WDR62: variants seen among roughly 807,000 people sequenced by gnomAD.
WDR62 encodes the protein WD repeat-containing protein 62.
WDR62 carries 112 observed loss-of-function variants against 160.6 expected under a neutral mutation model. That is an observed-to-expected ratio of 0.70 (90% CI 0.60 to 0.82). The LOEUF (loss-of-function observed/expected upper bound fraction) is 0.82, where lower values mean the gene tolerates loss of function less well. WDR62 is among the 40% of genes least tolerant of loss of function. WDR62 has a pLI of 0.00. For missense variants in WDR62, 1,819 were observed against 1,983.8 expected (o/e 0.92, Z 1.58); for synonymous variants, 792 against 815.1 (o/e 0.97, Z 0.48).
chr19:36,066,361 C>T lies in WDR62; in HGVS notation c.495C>T (p.Pro165=), dbSNP rs1443654811. ...KYGVACVAFS[P]NMKHIVSMGY... is the part of the protein sequence containing the mutation. Reference sequence around the variant, plus strand: ...GTGTGGCGTGTGTGGCCTTCTCACCCAATATGAAGCACATCGTGTCCATGG... The same window carrying T: ...GTGTGGCGTGTGTGGCCTTCTCACCTAATATGAAGCACATCGTGTCCATGG... The change falls in exon 5 of 32, where the codon CCC becomes CCT. Residue 165 remains proline (P), a synonymous_variant. Coordinates refer to ENST00000401500, the MANE Select transcript of WDR62 (RefSeq NM_001083961.2). 3.1e-6 allele frequency: 5 copies of T among 1,613,660 alleles called. No homozygotes were observed. In the African/African-American group the frequency reaches 6.7e-5, roughly 22 times the overall value.
chr19:36,093,517 G>A (rs1972763726), intron 19 of WDR62, among the ~76,000 whole-genome samples: 2 of 152,110 alleles, frequency 1.3e-5, no homozygotes, highest in Admixed American at 1.3e-4. Context: ...GTCTGTTTTT[G>A]CCATTGGCTC....
chr19:36,094,566 A>G (rs1355850739), intron 20 of WDR62, among the ~76,000 whole-genome samples: 1 of 150,328 alleles, frequency 6.7e-6, no homozygotes, highest in Admixed American at 6.6e-5. Flanking sequence ...AAATAATAAT[A>G]ATAATAATAA....
At chr19:36,088,699 C>T (rs1972403439) in intron 13 of WDR62, among the ~76,000 whole-genome samples, 2 of 152,210 alleles carry the variant, frequency 1.3e-5, no homozygotes, top group Non-Finnish European at 2.9e-5. Flanking sequence ...CAGCCTGTCT[C>T]CACTGGTCGC....
At chr19:36,060,135 C>G in intron 3 of WDR62, 105 bp downstream of exon 3, 5 of 1,176,504 alleles carry the variant, frequency 4.2e-6, no homozygotes, top group Non-Finnish European at 5.1e-6. Flanking sequence ...CTCACTCATT[C>G]ACTTACATGT....
chr19:36,097,673 C>T (rs1327221568), intron 21 of WDR62, among the ~76,000 whole-genome samples: 1 of 151,956 alleles, frequency 6.6e-6, no homozygotes, highest in Non-Finnish European at 1.5e-5. Context: ...CACTTGAGCC[C>T]AGGAGTTCAA....
At position 36,058,552 on chromosome 19, in the gene WDR62, C is replaced by T. The variant is rs982800578; in HGVS notation, c.178-228C>T. On this transcript the variant is annotated intron_variant, in intron 1 of 31. Coordinates refer to ENST00000401500, the MANE Select transcript of WDR62 (RefSeq NM_001083961.2). ...CCCATCACCAGTAGAATGTGAGCCC[C>T]CCGAGGGCAGGGATTTGTCTCTTCC... 4.6e-5 allele frequency among the ~76,000 whole-genome samples: 7 copies of T among 152,342 alleles called. No individual in the cohort carries two copies. The East Asian group carries it at 1.2e-3, about 25-fold the overall frequency.
At position 36,087,911 on chromosome 19, in the gene WDR62, G is replaced by A. The variant is rs1302977900; in HGVS notation, c.1768+1099G>A. Among the ~76,000 whole-genome samples, 7 of 152,232 alleles carry A rather than the reference G, an allele frequency of 4.6e-5. No homozygotes were observed. In the East Asian group the frequency reaches 1.3e-3, roughly 29 times the overall value. On this transcript the variant is annotated intron_variant, in intron 13 of 31. Transcript: ENST00000401500. ...GCAAGGTTTGAACTAGGACGTTGTTGATAGCAGAGACTGTTCTAATTGCTC... is the reference window on the plus strand; with the variant it reads ...GCAAGGTTTGAACTAGGACGTTGTTAATAGCAGAGACTGTTCTAATTGCTC...
chr19:36,090,696 T>G (rs1446058318), intron 16 of WDR62, among the ~76,000 whole-genome samples, 176 bp downstream of exon 16: 1 of 152,150 alleles, frequency 6.6e-6, no homozygotes. Context: ...ACCCCAGCTG[T>G]GTTTCCTTTA....
Position 36,089,174 on chromosome 19 carries a change from G to T in WDR62, c.1837-11G>T. 1.2e-6 allele frequency: 2 copies of T among 1,613,822 alleles called. No individual in the cohort carries two copies. The highest frequency in any genetic ancestry group is 1.1e-5 in the South Asian group (1 of 91,050). Reference sequence around the variant, plus strand: ...CGGGGCATTCTCTGAAGGTCCTGCCGGCCCTGCCAGGGTTCGGATGGACTA... The same window carrying T: ...CGGGGCATTCTCTGAAGGTCCTGCCTGCCCTGCCAGGGTTCGGATGGACTA... On this transcript the variant is annotated splice_polypyrimidine_tract_variant and intron_variant, in intron 14 of 31. Coordinates refer to ENST00000401500, the MANE Select transcript of WDR62 (RefSeq NM_001083961.2).
Position 36,104,899 on chromosome 19 carries a change from T to C in WDR62, c.4443T>C (p.Ala1481=). The change falls in exon 32 of 32, where the codon GCT becomes GCC. Residue 1481 remains alanine, a synonymous_variant. Coordinates refer to ENST00000401500, the MANE Select transcript of WDR62 (RefSeq NM_001083961.2). ...LVGTSVAPAQ[A]LPSPGPPSPP... is the part of the protein sequence containing the mutation. ...GGACTAGTGTGGCCCCAGCCCAGGC[T>C]CTGCCCAGCCCAGGACCCCCGTCCC... The C allele has an allele frequency of 6.2e-7, 1 of 1,611,450 alleles. No individual in the cohort carries two copies. The highest frequency in any genetic ancestry group is 1.3e-5 in the African/African-American group (1 of 74,972).
chr19:36,092,931 A>T, intron 19 of WDR62, 120 bp downstream of exon 19: 1 of 1,425,852 alleles, frequency 7.0e-7, no homozygotes, highest in Non-Finnish European at 9.8e-7. Flanking sequence ...GCACACTCAC[A>T]GCTGAGTAGG....
chr19:36,096,866 T>C (rs1198427811), intron 20 of WDR62, among the ~76,000 whole-genome samples, 161 bp from the exon 21 acceptor site: 1 of 152,268 alleles, frequency 6.6e-6, no homozygotes, highest in Non-Finnish European at 1.5e-5. Flanking sequence ...GAGTCAAATA[T>C]CGCATCCCAC....
At chr19:36,068,871 T>G (rs1055508249) in intron 7 of WDR62, among the ~76,000 whole-genome samples, 3 of 151,156 alleles carry the variant, frequency 2.0e-5, no homozygotes, top group Admixed American at 6.6e-5. Flanking sequence ...AGCTGTTGGG[T>G]ACACCTCCCA....
rs1369505248 is a variant in WDR62 at position 36,071,566 on chromosome 19, C to T, written c.893C>T (p.Ser298Phe). Reference protein sequence around the residue: ...EKWINLKVSLSSCLCVSQELI... With the variant: ...EKWINLKVSLFSCLCVSQELI... Reference sequence around the variant, plus strand: ...CTTTTGCCCCTACAGGTCTCCCTGTCTTCCTGCCTCTGTGTCAGCCAGGAG... The same window carrying T: ...CTTTTGCCCCTACAGGTCTCCCTGTTTTCCTGCCTCTGTGTCAGCCAGGAG... The change falls in exon 8 of 32, where the codon TCT becomes TTT. Residue 298 changes from serine to phenylalanine, a missense_variant. Physicochemically the swap from Ser to Phe is radical, Grantham distance 155 (BLOSUM62 -2). Coordinates refer to ENST00000401500, the MANE Select transcript of WDR62 (RefSeq NM_001083961.2). 6.2e-7 allele frequency: 1 copy of T among 1,614,268 alleles called. No individual in the cohort carries two copies. The highest frequency in any genetic ancestry group is 2.2e-5 in the East Asian group (1 of 44,890).
At chr19:36,089,009 G>A in intron 13 of WDR62, 29 bp from the exon 14 acceptor site, 1 of 1,612,948 alleles carries the variant, frequency 6.2e-7, no homozygotes, top group East Asian at 2.2e-5. Context: ...GCCCAGCCCT[G>A]CCTAACACAC....
intron 22 of WDR62, among the ~76,000 whole-genome samples, 184 bp from the exon 23 acceptor site, chr19:36,100,560 CCTCT>C (rs1335508529): frequency 1.3e-5 from 2 of 152,238 alleles, no homozygotes; most frequent in Non-Finnish European, 2.9e-5. Context: ...TGGTGCCACA[CCTCT>C]TCCTCATCTG....
At chr19:36,078,926 A>G (rs1452484716) in intron 9 of WDR62, among the ~76,000 whole-genome samples, 1 of 144,458 alleles carries the variant, frequency 6.9e-6, no homozygotes. Context: ...TTCTTTTTTA[A>G]GAGTAACTAT....
chr19:36,099,610 T>C lies in WDR62; in HGVS notation c.2732T>C (p.Leu911Pro), dbSNP rs944325133. The C allele has an allele frequency of 1.2e-6, 2 of 1,614,002 alleles. No homozygotes were observed. Among genetic ancestry groups the C allele is most frequent in the Admixed American group, 1.7e-5 (1 of 60,012 alleles). ...GAGCCACAGAGCCTGGCCAGCCTGC[T>C]GAGTGAGGTACACACTTCCACCGCA... ...SLEPQSLASL[L>P]SESESPQEAG... Residue 911 changes from leucine (L) to proline (P), a missense_variant, in exon 22 of 32, where the codon CTG becomes CCG. Physicochemically the swap from Leu to Pro is moderately conservative, Grantham distance 98. This residue lies in a region of WDR62 where 934 missense variants were observed against 1,157.2 expected (regional missense o/e 0.81). Coordinates refer to ENST00000401500, the MANE Select transcript of WDR62 (RefSeq NM_001083961.2).
rs1284512911 is a variant in WDR62 at position 36,103,457 on chromosome 19, A to G, written c.3629A>G (p.His1210Arg). 4.3e-6 allele frequency: 7 copies of G among 1,613,930 alleles called. No homozygotes were observed. The highest frequency in any genetic ancestry group is 2.2e-5 in the East Asian group (1 of 44,848). ...ACCCCAGGCCTGGCTCAGGGTGTCC[A>G]TGCCCCCTCCACCTGTTCCTACATG... ...APTPGLAQGV[H>R]APSTCSYMEA... Residue 1210 changes from histidine to arginine, a missense_variant, in exon 30 of 32, where the codon CAT (histidine) becomes CGT (arginine). Physicochemically the swap from His to Arg is conservative, Grantham distance 29. Around this residue, in one of 3 missense-constraint regions of WDR62, gnomAD observed 770 missense variants for 734.2 expected, o/e 1.05. Transcript: ENST00000401500.
Sources: allele counts gnomAD v4.1 joint callset (sites outside exome capture counted in the v4.1 genomes callset), GRCh38; gene constraint gnomAD v4.1.1; regional missense constraint gnomAD v4.1.1; transcripts MANE v1.5; gene names NCBI Gene and HGNC (gene_info 2026-07-23, HGNC 2026-07-21).